The following LYZL1 variants were observed in gnomAD, a reference collection of about 807,000 sequenced individuals.
LYZL1 encodes lysozyme-like protein 1.
Under a neutral mutation model 17.9 loss-of-function variants are expected in LYZL1, and 16 were observed. The observed-to-expected ratio is 0.90, with a 90% CI of 0.61 to 1.36. The LOEUF (loss-of-function observed/expected upper bound fraction) is 1.36. LYZL1 is among the 40% of genes most tolerant of loss of function. LYZL1 has a pLI of 0.00. For synonymous variants in LYZL1, 58 were observed against 71.8 expected, an observed-to-expected ratio of 0.81 and a Z score of 0.97; for missense variants, 149 against 188.4, an observed-to-expected ratio of 0.79 and a Z score of 1.22.
chr10:29,304,730 C>T (rs1159332189), intron 3 of LYZL1, among the ~76,000 whole-genome samples: 1 of 152,016 alleles, frequency 6.6e-6, no homozygotes, highest in Non-Finnish European at 1.5e-5. Flanking sequence ...CTCTGCTGCC[C>T]TTCTGTGGCT....
exon 4 of LYZL1, chr10:29,317,345 T>G (rs1835744982): frequency 6.6e-6 from 1 of 152,224 alleles, no homozygotes; most frequent in Non-Finnish European, 1.5e-5. Context: ...GAGGTCATCT[T>G]TCCCTGGACT....
downstream of LYZL1, among the ~76,000 whole-genome samples, chr10:29,316,123 T>C (rs1013686251): frequency 3.3e-5 from 5 of 152,172 alleles, no homozygotes; most frequent in African/African-American, 1.2e-4. Context: ...GCTTAGGATC[T>C]GGATCTGGGA....
At chr10:29,308,727 G>A (rs1452614224) in intron 3 of LYZL1, among the ~76,000 whole-genome samples, 2 of 152,126 alleles carry the variant, frequency 1.3e-5, no homozygotes, top group African/African-American at 2.4e-5. Context: ...TGGGAGCCAA[G>A]GCAGGAGGAT....
intron 3 of LYZL1, among the ~76,000 whole-genome samples, chr10:29,293,837 G>A (rs991180716): frequency 2.0e-5 from 3 of 152,006 alleles, no homozygotes; most frequent in East Asian, 1.9e-4. Flanking sequence ...AGCTGGGCAC[G>A]GTGGTAGGTG....
At chr10:29,304,429 G>A (rs1482208789) in intron 3 of LYZL1, among the ~76,000 whole-genome samples, 1 of 152,166 alleles carries the variant, frequency 6.6e-6, no homozygotes, top group Non-Finnish European at 1.5e-5. Flanking sequence ...GATGAACATC[G>A]AGGGTGTGTG....
chr10:29,302,895 C>T (rs1835540506), intron 3 of LYZL1, among the ~76,000 whole-genome samples: 1 of 152,140 alleles, frequency 6.6e-6, no homozygotes, highest in African/African-American at 2.4e-5. Flanking sequence ...TTATTCTGAT[C>T]AGCGTAACTC....
At chr10:29,304,026 G>T (rs912561411) in intron 3 of LYZL1, among the ~76,000 whole-genome samples, 1 of 152,218 alleles carries the variant, frequency 6.6e-6, no homozygotes, top group Non-Finnish European at 1.5e-5. Flanking sequence ...CTCCCAAAGT[G>T]CTGGGATTAC....
intron 3 of LYZL1, among the ~76,000 whole-genome samples, chr10:29,308,453 T>G (rs1035525911): frequency 2.6e-5 from 4 of 152,150 alleles, no homozygotes; most frequent in Admixed American, 2.6e-4. Flanking sequence ...TGTGGATCCC[T>G]GAGGAATATC....
intron 3 of LYZL1, among the ~76,000 whole-genome samples, chr10:29,300,627 A>G (rs10826600): frequency 0.39 from 59,316 of 151,752 alleles, 11,888 homozygotes; most frequent in African/African-American, 0.5. Context: ...GAAGTAGTCA[A>G]TCGATATCAC....
At chr10:29,309,407 C>G (rs1835640806) in intron 3 of LYZL1, among the ~76,000 whole-genome samples, 1 of 152,074 alleles carries the variant, frequency 6.6e-6, no homozygotes, top group Non-Finnish European at 1.5e-5. Context: ...TATGAAATGA[C>G]AATAGACAAA....
At chr10:29,300,463 T>A (rs898020602) in intron 3 of LYZL1, among the ~76,000 whole-genome samples, 3 of 152,192 alleles carry the variant, frequency 2.0e-5, no homozygotes, top group African/African-American at 7.2e-5. Context: ...CGCATTTTTC[T>A]TTTATATTTA....
At chr10:29,293,224 C>G (rs1028039981) in intron 3 of LYZL1, among the ~76,000 whole-genome samples, 1 of 148,850 alleles carries the variant, frequency 6.7e-6, no homozygotes, top group Non-Finnish European at 1.5e-5. Flanking sequence ...TCTTGACCTC[C>G]AGGCCCCAAG....
chr10:29,312,673 G>A (rs1365125694), downstream of LYZL1, among the ~76,000 whole-genome samples: 1 of 152,092 alleles, frequency 6.6e-6, no homozygotes, highest in East Asian at 1.9e-4. Flanking sequence ...ACCCCAAAGC[G>A]ATATTCCCAG....
chr10:29,295,907 A>T (rs1024253789), intron 3 of LYZL1, among the ~76,000 whole-genome samples: 2 of 152,182 alleles, frequency 1.3e-5, no homozygotes, highest in Admixed American at 6.5e-5. Flanking sequence ...TCTCAGTCCA[A>T]CACCCACAAG....
intron 3 of LYZL1, among the ~76,000 whole-genome samples, chr10:29,295,599 G>A (rs984456224): frequency 6.6e-6 from 1 of 152,198 alleles, no homozygotes. Context: ...TACCTTACAA[G>A]GCAAAAGGAA....
downstream of LYZL1, among the ~76,000 whole-genome samples, chr10:29,314,828 G>C (rs1244979875): frequency 6.6e-6 from 1 of 152,176 alleles, no homozygotes; most frequent in African/African-American, 2.4e-5. Flanking sequence ...TACGGAAGGG[G>C]TAACTATCGC....
At chr10:29,309,023 T>G (rs948115886) in intron 3 of LYZL1, among the ~76,000 whole-genome samples, 1 of 151,588 alleles carries the variant, frequency 6.6e-6, no homozygotes, top group Admixed American at 6.6e-5. Flanking sequence ...AACTTAAAAC[T>G]TTTTGCATAT....
At chr10:29,308,363 C>T (rs1371116707) in intron 3 of LYZL1, among the ~76,000 whole-genome samples, 1 of 152,156 alleles carries the variant, frequency 6.6e-6, no homozygotes, top group Non-Finnish European at 1.5e-5. Flanking sequence ...CTGGGCTGCC[C>T]AATGAATTGC....
rs148198434 is a variant in LYZL1 at position 29,295,055 on chromosome 10, A to G, written c.298+2378A>G. Among the ~76,000 whole-genome samples, 833 of 152,336 alleles carry G rather than the reference A, an allele frequency of 5.5e-3. 4 individuals carry two copies. Among genetic ancestry groups the G allele is most frequent in the Non-Finnish European group, 9.4e-3 (641 of 68,030 alleles). ...ATGAAACTGCAGATAAGGGGGAACTATTGTACAAGATAATCAGTATATGGG... is the reference window on the plus strand; with the variant it reads ...ATGAAACTGCAGATAAGGGGGAACTGTTGTACAAGATAATCAGTATATGGG... On this transcript the variant is annotated intron_variant, in intron 3 of 4. Transcript: ENST00000649382.
Sources: allele counts gnomAD v4.1 joint callset (sites outside exome capture counted in the v4.1 genomes callset), GRCh38; gene constraint gnomAD v4.1.1; transcripts MANE v1.5; gene names NCBI Gene and HGNC (gene_info 2026-07-23, HGNC 2026-07-21).